The following LRBA variants were observed in gnomAD, a reference collection of about 807,000 sequenced individuals.
LRBA encodes lipopolysaccharide-responsive and beige-like anchor protein.
A neutral mutation model predicts 330.0 loss-of-function variants in LRBA; 176 were observed. The observed-to-expected ratio is 0.53, with a 90% confidence interval of 0.47 to 0.60. The LOEUF is 0.60. Ranked by LOEUF, LRBA falls within the 20% of genes least tolerant of loss-of-function variation. The pLI, the probability that LRBA is intolerant of heterozygous loss-of-function variation, is 0.00. For missense variants in LRBA, 3,259 were observed against 3,444.8 expected (o/e 0.95, Z 1.35); for synonymous variants, 1,230 against 1,193.0 (o/e 1.03, Z -0.64).
intron 44 of LRBA, among the ~76,000 whole-genome samples, chr4:150,448,835 G>A (rs1305625259): frequency 5.4e-4 from 20 of 37,262 alleles, no homozygotes; most frequent in African/African-American, 1.2e-3. Context: ...GGGGGGGGGT[G>A]GGCAGGAAAG....
intron 47 of LRBA, among the ~76,000 whole-genome samples, chr4:150,371,610 A>G (rs1435685484): frequency 6.6e-6 from 1 of 152,164 alleles, no homozygotes; most frequent in Non-Finnish European, 1.5e-5. Context: ...CTCCAGTCTA[A>G]TGGAGACACA....
chr4:150,988,348 T>C (rs1325769532), intron 2 of LRBA, among the ~76,000 whole-genome samples: 1 of 152,182 alleles, frequency 6.6e-6, no homozygotes, highest in Non-Finnish European at 1.5e-5. Flanking sequence ...AGACTTTAAG[T>C]TCCTAGAAAA....
intron 37 of LRBA, among the ~76,000 whole-genome samples, chr4:150,611,763 T>C (rs1246327297): frequency 1.3e-5 from 2 of 152,164 alleles, no homozygotes; most frequent in Non-Finnish European, 2.9e-5. Context: ...CTGAAAGCTA[T>C]TAATATTCAG....
chr4:150,943,598 A>C (rs550706641), intron 2 of LRBA, among the ~76,000 whole-genome samples: 14 of 152,382 alleles, frequency 9.2e-5, no homozygotes, highest in African/African-American at 3.4e-4. Context: ...GCAAACATTT[A>C]GTAGGCACTT....
intron 40 of LRBA, among the ~76,000 whole-genome samples, chr4:150,587,538 T>C (rs973119007): frequency 2.0e-5 from 3 of 152,228 alleles, no homozygotes; most frequent in African/African-American, 7.2e-5. Context: ...CATTTAAGAA[T>C]AGAAAATTAT....
chr4:150,422,635 C>T (rs1404137462), intron 46 of LRBA: 3 of 613,784 alleles, frequency 4.9e-6, no homozygotes, highest in Non-Finnish European at 8.9e-6. Flanking sequence ...TGAAGAGCAC[C>T]CTGAGTTCCT....
At chr4:150,840,339 T>C (rs987716512) in intron 28 of LRBA, among the ~76,000 whole-genome samples, 94 of 152,268 alleles carry the variant, frequency 6.2e-4, no homozygotes, top group Non-Finnish European at 1.3e-3. Flanking sequence ...TATCAGCTTT[T>C]GATATATCAT....
At chr4:150,832,801 A>C (rs955174931) in intron 28 of LRBA, among the ~76,000 whole-genome samples, 1 of 151,852 alleles carries the variant, frequency 6.6e-6, no homozygotes, top group East Asian at 1.9e-4. Context: ...ACAGGGCCCC[A>C]CTCCATTGCT....
chr4:150,774,769 C>T (rs1330478828), intron 34 of LRBA, among the ~76,000 whole-genome samples: 1 of 152,152 alleles, frequency 6.6e-6, no homozygotes, highest in Admixed American at 6.5e-5. Context: ...CCAGCTTCCC[C>T]TTCCTTCACA....
At chr4:150,410,010 C>G (rs116043698) in intron 47 of LRBA, among the ~76,000 whole-genome samples, 3,453 of 152,066 alleles carry the variant, frequency 0.023, 128 homozygotes, top group African/African-American at 0.077. Flanking sequence ...TTGGCCACAT[C>G]ATTATCAATA....
chr4:150,990,981 A>G (rs1742006742), intron 2 of LRBA, among the ~76,000 whole-genome samples: 1 of 151,690 alleles, frequency 6.6e-6, no homozygotes. Context: ...TGAACCTCGG[A>G]CAGGGAGGTT....
intron 33 of LRBA, among the ~76,000 whole-genome samples, chr4:150,803,085 C>T (rs7672405): frequency 0.24 from 11,095 of 45,824 alleles, 557 homozygotes; most frequent in Middle Eastern, 0.31. Flanking sequence ...AATATATATA[C>T]ACACACACAC....
intron 53 of LRBA, among the ~76,000 whole-genome samples, chr4:150,295,194 C>CTTT (rs146893381): frequency 0.023 from 2,656 of 113,614 alleles, 140 homozygotes; most frequent in African/African-American, 0.087. Flanking sequence ...ATTAAAATAG[C>CTTT]TTTTTTTTTT....
At chr4:150,550,511 T>A (rs12647325) in intron 40 of LRBA, among the ~76,000 whole-genome samples, 1 of 152,120 alleles carries the variant, frequency 6.6e-6, no homozygotes, top group Non-Finnish European at 1.5e-5. Flanking sequence ...CCAACTATTC[T>A]TTTTCTCTGA....
chr4:150,986,172 G>T (rs111729189), intron 2 of LRBA, among the ~76,000 whole-genome samples: 1 of 152,126 alleles, frequency 6.6e-6, no homozygotes, highest in Non-Finnish European at 1.5e-5. Flanking sequence ...CATTAAAATA[G>T]CAGTCCCCAA....
At chr4:150,639,737 A>ATATATATATATATATATGTGTGTATG (rs1491185241) in intron 37 of LRBA, among the ~76,000 whole-genome samples, 19 of 1,422 alleles carry the variant, frequency 0.013, 7 homozygotes, top group South Asian at 0.045. Context: ...TATGCCCCAA[A>ATATATATATATATATATGTGTGTATG]TATATATATA....
intron 44 of LRBA, among the ~76,000 whole-genome samples, chr4:150,438,353 T>C (rs947781516): frequency 2.6e-5 from 4 of 152,056 alleles, no homozygotes; most frequent in African/African-American, 7.2e-5. Context: ...CATAGTGGCA[T>C]GTCCCTGTAA....
intron 56 of LRBA, among the ~76,000 whole-genome samples, chr4:150,266,592 A>G (rs774533369): frequency 2.6e-5 from 4 of 152,214 alleles, no homozygotes; most frequent in Non-Finnish European, 5.9e-5. Context: ...ATCAAAATTA[A>G]TTAGGAACTA....
At chr4:150,515,747 A>G (rs1762270005) in intron 40 of LRBA, among the ~76,000 whole-genome samples, 1 of 152,156 alleles carries the variant, frequency 6.6e-6, no homozygotes, top group Admixed American at 6.5e-5. Flanking sequence ...GGGAACTATT[A>G]ATATTTGTTC....
Sources: gnomAD v4.1 joint callset for allele counts (sites outside exome capture counted in the v4.1 genomes callset) on GRCh38, gnomAD v4.1.1 for gene constraint, MANE v1.5 for transcripts, NCBI Gene and HGNC (gene_info 2026-07-23, HGNC 2026-07-21) for gene names.